The following THSD7B variants were observed in gnomAD, a reference collection of about 807,000 sequenced individuals.
THSD7B encodes the protein thrombospondin type 1 domain containing 7B.
In THSD7B, 138 loss-of-function variants were observed where a neutral mutation model predicts 213.6. The observed-to-expected ratio is 0.65, with a 90% confidence interval of 0.56 to 0.74. THSD7B has a LOEUF of 0.74. THSD7B is among the 30% of genes least tolerant of loss of function. The probability of loss-of-function intolerance (pLI) is 0.00; values close to 1 mark genes in which losing one functional copy is unlikely to be tolerated. For missense variants in THSD7B, 1,931 were observed against 1,991.5 expected, an observed-to-expected ratio of 0.97 and a Z score of 0.58; for synonymous variants, 742 against 687.0, an observed-to-expected ratio of 1.08 and a Z score of -1.25.
At chr2:137,183,238 G>A (rs373865973) in intron 7 of THSD7B, among the ~76,000 whole-genome samples, 14 of 152,074 alleles carry the variant, frequency 9.2e-5, no homozygotes, top group African/African-American at 2.9e-4. Flanking sequence ...AGTACAGTGC[G>A]TTCCTTTGTA....
At chr2:137,133,855 A>G (rs1432086844) in intron 5 of THSD7B, among the ~76,000 whole-genome samples, 2 of 152,170 alleles carry the variant, frequency 1.3e-5, no homozygotes, top group Non-Finnish European at 2.9e-5. Context: ...TGATGTTTGT[A>G]TATGTTTTAC....
chr2:136,937,049 C>T (rs1337774990), intron 2 of THSD7B, among the ~76,000 whole-genome samples: 3 of 151,998 alleles, frequency 2.0e-5, no homozygotes, highest in African/African-American at 7.2e-5. Context: ...GTTGTGCAAC[C>T]ATATTCCGAA....
intron 1 of THSD7B, among the ~76,000 whole-genome samples, chr2:136,810,679 A>G (rs539996025): frequency 6.6e-6 from 1 of 152,332 alleles, no homozygotes; most frequent in East Asian, 1.9e-4. Context: ...ATGAAAGTTC[A>G]GGTGTTACAT....
intron 15 of THSD7B, among the ~76,000 whole-genome samples, chr2:137,488,790 A>T (rs1418481357): frequency 1.3e-5 from 2 of 152,218 alleles, no homozygotes; most frequent in African/African-American, 4.8e-5. Flanking sequence ...AAATTACCAA[A>T]TGTTAGAGAA....
At chr2:137,165,658 G>A (rs1680113886) in intron 6 of THSD7B, among the ~76,000 whole-genome samples, 1 of 152,100 alleles carries the variant, frequency 6.6e-6, no homozygotes, top group African/African-American at 2.4e-5. Flanking sequence ...ATAAGCGGGA[G>A]TGTTTAGCTT....
At chr2:137,222,950 A>C (rs1681405551) in intron 7 of THSD7B, among the ~76,000 whole-genome samples, 1 of 152,164 alleles carries the variant, frequency 6.6e-6, no homozygotes, top group South Asian at 2.1e-4. Flanking sequence ...TCTGTGGATG[A>C]AATACTGGGC....
intron 15 of THSD7B, among the ~76,000 whole-genome samples, chr2:137,497,196 A>G (rs1467680851): frequency 9.3e-6 from 1 of 106,972 alleles, no homozygotes. Flanking sequence ...TACAACACAT[A>G]CACAACACAC....
chr2:137,650,067 A>G (rs1683109749), intron 21 of THSD7B, among the ~76,000 whole-genome samples: 1 of 152,130 alleles, frequency 6.6e-6, no homozygotes, highest in Admixed American at 6.6e-5. Flanking sequence ...ATGCCACTGC[A>G]TTGATATTTT....
Position 137,162,884 on chromosome 2 carries a change from C to T in THSD7B, c.1525+2516C>T, listed in dbSNP as rs143495391. 4.7e-3 allele frequency among the ~76,000 whole-genome samples: 711 copies of T among 152,118 alleles called. 8 individuals carry two copies. The highest frequency in any genetic ancestry group is 0.016 in the African/African-American group (648 of 41,498). On this transcript the variant is annotated intron_variant, in intron 6 of 27. Coordinates refer to ENST00000409968, the MANE Select transcript of THSD7B (RefSeq NM_001316349.2). ...AAGCAATTCTCCTGCCTCAGCCTCC[C>T]GAGTAGCTGGGATTGCAGGCATGCG... is the stretch of plus-strand genomic sequence containing the variant.
intron 6 of THSD7B, among the ~76,000 whole-genome samples, chr2:137,168,535 G>A (rs1680178259): frequency 6.6e-6 from 1 of 152,160 alleles, no homozygotes; most frequent in African/African-American, 2.4e-5. Context: ...AAAGACTGAA[G>A]GAATTTATTG....
intron 15 of THSD7B, among the ~76,000 whole-genome samples, chr2:137,475,068 T>C (rs1289134968): frequency 1.3e-5 from 2 of 152,206 alleles, no homozygotes; most frequent in Non-Finnish European, 1.5e-5. Flanking sequence ...ATGTGCTTGA[T>C]TGATGTAATT....
chr2:137,186,957 C>CT (rs1460063146), intron 7 of THSD7B, among the ~76,000 whole-genome samples: 1 of 151,704 alleles, frequency 6.6e-6, no homozygotes, highest in Non-Finnish European at 1.5e-5. Flanking sequence ...GTATTTTATT[C>CT]TTTTTGTGGC....
At position 137,352,080 on chromosome 2, in the gene THSD7B, A is replaced by G. The variant is rs573694252; in HGVS notation, c.2501-53533A>G. 3.3e-5 allele frequency among the ~76,000 whole-genome samples: 5 copies of G among 151,896 alleles called. 1 individual carries two copies. In the South Asian group the frequency reaches 1.0e-3, roughly 32 times the overall value. On this transcript the variant is annotated intron_variant, in intron 12 of 27. Transcript: ENST00000409968. ...AAAAGATTGGACACCTCTGTGCTAA[A>G]TAGTTGCATTATTTATTCTATTCCC... is the stretch of plus-strand genomic sequence containing the variant.
chr2:136,916,399 G>A (rs538579885), intron 2 of THSD7B, among the ~76,000 whole-genome samples: 2 of 152,140 alleles, frequency 1.3e-5, no homozygotes, highest in African/African-American at 4.8e-5. Flanking sequence ...TGCCTGCCAG[G>A]CCAGGCAGAC....
intron 10 of THSD7B, among the ~76,000 whole-genome samples, chr2:137,257,314 CA>C (rs1682334571): frequency 1.3e-5 from 2 of 152,184 alleles, no homozygotes; most frequent in African/African-American, 2.4e-5. Context: ...GTGTAATTCA[CA>C]TAACTGGATG....
At chr2:137,067,771 G>A (rs1687408321) in intron 3 of THSD7B, among the ~76,000 whole-genome samples, 1 of 152,016 alleles carries the variant, frequency 6.6e-6, no homozygotes, top group Admixed American at 6.6e-5. Flanking sequence ...ATAGTTTCCT[G>A]TGAGGGCAGA....
chr2:136,996,127 A>G (rs1265610518), intron 2 of THSD7B, among the ~76,000 whole-genome samples: 1 of 152,188 alleles, frequency 6.6e-6, no homozygotes, highest in Non-Finnish European at 1.5e-5. Flanking sequence ...TCCTGTGTGT[A>G]TTAACACCTC....
chr2:137,226,196 A>G (rs1055059476), intron 7 of THSD7B, among the ~76,000 whole-genome samples: 1 of 151,766 alleles, frequency 6.6e-6, no homozygotes, highest in Non-Finnish European at 1.5e-5. Flanking sequence ...ATTGTTTTCC[A>G]TAGTGTAATA....
intron 18 of THSD7B, among the ~76,000 whole-genome samples, chr2:137,618,006 G>A (rs1480076052): frequency 6.6e-6 from 1 of 152,088 alleles, no homozygotes; most frequent in East Asian, 1.9e-4. Context: ...ACAAACATCT[G>A]GAGCATAGCA....
Sources: allele counts gnomAD v4.1 joint callset (sites outside exome capture counted in the v4.1 genomes callset), GRCh38; gene constraint gnomAD v4.1.1; transcripts MANE v1.5; gene names NCBI Gene and HGNC (gene_info 2026-07-23, HGNC 2026-07-21).